The following PCDHGB1 variants were observed in gnomAD, a reference collection of about 807,000 sequenced individuals.
The protein encoded by PCDHGB1 is protocadherin gamma-B1.
PCDHGB1 carries 34 observed loss-of-function variants against 56.6 expected under a neutral mutation model. That is an observed-to-expected ratio of 0.60 (90% CI 0.46 to 0.80). The LOEUF is 0.80. PCDHGB1 is among the 30% of genes least tolerant of loss of function. The pLI, the probability that PCDHGB1 is intolerant of heterozygous loss-of-function variation, is 0.00. For synonymous variants in PCDHGB1, 561 were observed against 505.9 expected (o/e 1.11, Z -1.46); for missense variants, 1,278 against 1,204.6 (o/e 1.06, Z -0.90).
intron 1 of PCDHGB1, among the ~76,000 whole-genome samples, chr5:141,488,394 A>C (rs2099674951): frequency 1.3e-5 from 2 of 152,232 alleles, no homozygotes. Flanking sequence ...TGGTGAAACC[A>C]TGAAACCTAG....
chr5:141,489,253 A>T lies in PCDHGB1; in HGVS notation c.2410-5554A>T. 1 of 1,547,506 alleles carries T rather than the reference A, an allele frequency of 6.5e-7. No individual in the cohort carries two copies. The highest frequency in any genetic ancestry group is 2.3e-5 in the East Asian group (1 of 44,418). ...GGACTTCTGGGTCATGGGGCCCAAG[A>T]CACTCCCACAGCTCGCTGGGAAATG... On this transcript the variant is annotated intron_variant, in intron 1 of 3. Coordinates refer to ENST00000523390, the MANE Select transcript of PCDHGB1 (RefSeq NM_018922.3). This position sits in a 1 kb window ranked among gnomAD's most constrained non-coding sequence, Gnocchi z 4.5.
intron 1 of PCDHGB1, chr5:141,404,365 C>A: frequency 6.2e-7 from 1 of 1,613,936 alleles, no homozygotes; most frequent in South Asian, 1.1e-5. Context: ...GTACTTCCAT[C>A]TTCTCCGTGA....
intron 1 of PCDHGB1, chr5:141,415,066 C>G: frequency 6.2e-7 from 1 of 1,613,410 alleles, no homozygotes; most frequent in Non-Finnish European, 8.5e-7. Context: ...GGGCGAGGTG[C>G]GCACGGCGCG....
At chr5:141,430,918 G>T (rs766412276) in intron 1 of PCDHGB1, 2 of 1,607,866 alleles carry the variant, frequency 1.2e-6, no homozygotes, top group South Asian at 2.2e-5. Context: ...GGGACCTGGG[G>T]CTGGAGCCCC....
chr5:141,408,937 C>T (rs2095198483), intron 1 of PCDHGB1: 5 of 1,613,344 alleles, frequency 3.1e-6, no homozygotes, highest in African/African-American at 1.3e-5. Flanking sequence ...TCAGCAGAGA[C>T]GAATATAGAA....
chr5:141,449,588 CAAAAAA>C (rs768743917), intron 1 of PCDHGB1, among the ~76,000 whole-genome samples: 1 of 57,492 alleles, frequency 1.7e-5, no homozygotes, highest in Admixed American at 1.8e-4. Flanking sequence ...GACTCTGTCT[CAAAAAA>C]AAAAAAAAAA....
chr5:141,503,630 A>G, intron 2 of PCDHGB1, among the ~76,000 whole-genome samples: 1 of 152,088 alleles, frequency 6.6e-6, no homozygotes, highest in Admixed American at 6.6e-5. Flanking sequence ...AAGAAAAGAA[A>G]TAATTATTGA....
intron 1 of PCDHGB1, chr5:141,399,895 G>A (rs570331620): frequency 6.2e-7 from 1 of 1,612,586 alleles, no homozygotes; most frequent in African/African-American, 1.3e-5. Flanking sequence ...GGTAGTGGCC[G>A]TGGACGCAGA....
At chr5:141,435,644 T>A (rs913195454) in intron 1 of PCDHGB1, among the ~76,000 whole-genome samples, 1 of 152,170 alleles carries the variant, frequency 6.6e-6, no homozygotes, top group Non-Finnish European at 1.5e-5. Flanking sequence ...TGGGAAAATT[T>A]CTGAAACGTG....
intron 2 of PCDHGB1, among the ~76,000 whole-genome samples, chr5:141,504,572 A>G (rs184273457): frequency 6.7e-6 from 1 of 148,962 alleles, no homozygotes; most frequent in Admixed American, 6.9e-5. Flanking sequence ...TCTAGGGAAC[A>G]CCATCTGCCC....
chr5:141,370,302 A>G, intron 1 of PCDHGB1: 1 of 1,187,592 alleles, frequency 8.4e-7, no homozygotes, highest in Non-Finnish European at 1.2e-6. Flanking sequence ...GCACAAAGAC[A>G]AAGCAAATAG....
At chr5:141,461,394 G>A (rs2099014614) in intron 1 of PCDHGB1, among the ~76,000 whole-genome samples, 1 of 152,098 alleles carries the variant, frequency 6.6e-6, no homozygotes. Flanking sequence ...GATTAGCGAT[G>A]TTGAGCATTT....
intron 1 of PCDHGB1, chr5:141,421,518 TGA>T: frequency 6.2e-7 from 1 of 1,614,058 alleles, no homozygotes; most frequent in Non-Finnish European, 8.5e-7. Flanking sequence ...AGGAGCTCTG[TGA>T]GACGGTGTCC....
intron 1 of PCDHGB1, chr5:141,394,586 G>T: frequency 3.1e-6 from 5 of 1,613,888 alleles, no homozygotes; most frequent in Non-Finnish European, 4.2e-6. Context: ...TGACCAAGGT[G>T]GTGGCGGTGG....
rs755018283 is a variant in PCDHGB1, at chr5:141,365,965, C to T, written c.2409+13296C>T. ...GTGGGAACCCTCCACTTAGCAGCAACGTGTCGCTGAGCCTGTTTGTGCTGG... is the reference window on the plus strand; with the variant it reads ...GTGGGAACCCTCCACTTAGCAGCAATGTGTCGCTGAGCCTGTTTGTGCTGG... On this transcript the variant is annotated intron_variant, in intron 1 of 3. Coordinates refer to ENST00000523390, the MANE Select transcript of PCDHGB1 (RefSeq NM_018922.3). 6 of 1,614,114 alleles carry T rather than the reference C, an allele frequency of 3.7e-6. No homozygotes were observed. The Admixed American group carries it at 8.3e-5, about 22-fold the overall frequency.
rs1025148587 is a variant in PCDHGB1, at chr5:141,431,434, C to T, written c.2410-63373C>T. ...GGGGCGACCCGGTGCGCACAGGCAC[C>T]GCGCGCATCCGCGTGATGGTTCTGG... On this transcript the variant is annotated intron_variant, in intron 1 of 3. Transcript: ENST00000523390. This position sits in a 1 kb window ranked among gnomAD's most constrained non-coding sequence, Gnocchi z 4.8. The T allele has an allele frequency of 6.2e-7, 1 of 1,613,690 alleles. No homozygotes were observed. The highest frequency in any genetic ancestry group is 1.3e-5 in the African/African-American group (1 of 75,072).
chr5:141,419,419 C>A (rs767018815), intron 1 of PCDHGB1: 1 of 1,613,384 alleles, frequency 6.2e-7, no homozygotes. Context: ...AGCGCGCCTT[C>A]GACCACGAGC....
intron 1 of PCDHGB1, chr5:141,371,270 C>A: frequency 6.2e-7 from 1 of 1,614,012 alleles, no homozygotes. Context: ...GACAACTGTT[C>A]AAGCTGGACA....
chr5:141,390,276 C>G (rs1475873829), intron 1 of PCDHGB1: 5 of 1,613,990 alleles, frequency 3.1e-6, no homozygotes, highest in Non-Finnish European at 4.2e-6. Context: ...ATTGACTTCC[C>G]ATCAGGTGAG....
Sources: gnomAD v4.1 joint callset for allele counts (sites outside exome capture counted in the v4.1 genomes callset) on GRCh38, gnomAD v4.1.1 for gene constraint, Gnocchi (gnomAD v3.1) non-coding constraint, MANE v1.5 for transcripts, NCBI Gene and HGNC (gene_info 2026-07-23, HGNC 2026-07-21) for gene names.